PREP: variants seen among roughly 807,000 people sequenced by gnomAD.
PREP encodes dJ355L5.1 (prolyl endopeptidase).
A neutral mutation model predicts 87.6 loss-of-function variants in PREP; 29 were observed. The ratio of observed to expected loss-of-function variants is 0.33; its 90% CI spans 0.25 to 0.45. The LOEUF (loss-of-function observed/expected upper bound fraction) is 0.45, where lower values mean the gene tolerates loss of function less well. Among genes scored for constraint, PREP ranks in the 20% least tolerant of loss-of-function variants. The pLI, the probability that PREP is intolerant of heterozygous loss-of-function variation, is 1.00. For synonymous variants in PREP, 337 were observed against 328.6 expected (o/e 1.03, Z -0.28); for missense variants, 695 against 886.5 (o/e 0.78, Z 2.74).
At chr6:105,281,955 C>A in intron 13 of PREP, 53 bp from the exon 14 acceptor site, 1 of 1,591,480 alleles carries the variant, frequency 6.3e-7, no homozygotes, top group Non-Finnish European at 8.6e-7. Context: ...TAAACATCTA[C>A]ATAAACAAGG....
chr6:105,290,239 G>C (rs1260089296), intron 10 of PREP, among the ~76,000 whole-genome samples: 2 of 152,124 alleles, frequency 1.3e-5, no homozygotes, highest in East Asian at 3.9e-4. Context: ...TGTGTGGGTA[G>C]GTACAAGTAA....
At chr6:105,313,319 G>C (rs923353503) in intron 10 of PREP, among the ~76,000 whole-genome samples, 11 of 152,228 alleles carry the variant, frequency 7.2e-5, no homozygotes, top group African/African-American at 2.7e-4. Flanking sequence ...AAGTGGAGGG[G>C]AGGGGAGGGA....
intron 14 of PREP, chr6:105,280,556 A>G (rs1770056915): frequency 1.3e-5 from 2 of 152,338 alleles, no homozygotes; most frequent in Non-Finnish European, 2.9e-5. Context: ...AAACATATGT[A>G]GCTATATTGA....
intron 7 of PREP, among the ~76,000 whole-genome samples, chr6:105,343,942 C>A (rs1377042035): frequency 6.6e-6 from 1 of 152,188 alleles, no homozygotes; most frequent in Non-Finnish European, 1.5e-5. Context: ...ACTAGTTCAA[C>A]CATTGTGGAA....
At chr6:105,392,260 G>A (rs1382006325) in intron 2 of PREP, among the ~76,000 whole-genome samples, 2 of 151,926 alleles carry the variant, frequency 1.3e-5, no homozygotes, top group Non-Finnish European at 2.9e-5. Context: ...GGATGGTCTC[G>A]ATCTCCTGAC....
At chr6:105,322,211 C>G in intron 10 of PREP, 1 of 816,552 alleles carries the variant, frequency 1.2e-6, no homozygotes, top group Non-Finnish European at 1.5e-6. Flanking sequence ...GGATCTCCCT[C>G]CAGGCAATGG....
chr6:105,277,179 C>CAGTAAGTA lies in PREP; in HGVS notation c.*957_*964dup, dbSNP rs143389346. On this transcript the variant is annotated 3_prime_UTR_variant, in exon 15 of 15. Transcript: ENST00000652536. The stretch of plus-strand genomic sequence containing the variant: ...ACCAAAACTTTTTTTTTTTTTTTTC[C>CAGTAAGTA]AGTAAGTAAGTATGACTATTTCTAT... Among the ~76,000 whole-genome samples, 1 of 143,600 alleles carries CAGTAAGTA rather than the reference C, an allele frequency of 7.0e-6. No individual in the cohort carries two copies. The highest frequency in any genetic ancestry group is 2.7e-5 in the African/African-American group (1 of 37,562). The allele number at this position is 143,600 out of a possible 152,430, so 94.2% of individuals were successfully genotyped here. A position where few individuals can be genotyped will look rare whatever the true frequency, so the allele number is the denominator to read the frequency against.
At chr6:105,314,354 T>C (rs535971561) in intron 10 of PREP, among the ~76,000 whole-genome samples, 19 of 152,350 alleles carry the variant, frequency 1.2e-4, no homozygotes, top group African/African-American at 4.6e-4. Flanking sequence ...GAAAGACTTC[T>C]GTAACATGCA....
intron 7 of PREP, among the ~76,000 whole-genome samples, chr6:105,351,790 C>T (rs367674485): frequency 5.9e-5 from 9 of 152,128 alleles, no homozygotes; most frequent in Admixed American, 4.6e-4. Flanking sequence ...TGGTGGTTTG[C>T]CCTGACAGAG....
At chr6:105,302,718 C>A in intron 10 of PREP, 1 of 514,648 alleles carries the variant, frequency 1.9e-6, no homozygotes, top group Non-Finnish European at 3.8e-6. Flanking sequence ...CGCCGCCTGT[C>A]AGTGGCGATG....
At chr6:105,345,645 G>C (rs1431063422) in intron 7 of PREP, among the ~76,000 whole-genome samples, 1 of 152,216 alleles carries the variant, frequency 6.6e-6, no homozygotes, top group Non-Finnish European at 1.5e-5. Context: ...CAGGCACTGA[G>C]GCTGCAGGGC....
chr6:105,345,538 C>T (rs1771773418), intron 7 of PREP, among the ~76,000 whole-genome samples: 1 of 152,254 alleles, frequency 6.6e-6, no homozygotes, highest in East Asian at 1.9e-4. Context: ...ATAGAAAATG[C>T]TGTGCAAGCT....
chr6:105,313,174 T>C (rs1770794392), intron 10 of PREP, among the ~76,000 whole-genome samples: 1 of 152,192 alleles, frequency 6.6e-6, no homozygotes, highest in African/African-American at 2.4e-5. Context: ...AATTTTTTCC[T>C]CCCTCCTTCA....
chr6:105,358,489 G>C (rs746138806), intron 6 of PREP, among the ~76,000 whole-genome samples: 30 of 152,146 alleles, frequency 2.0e-4, no homozygotes, highest in Non-Finnish European at 4.0e-4. Flanking sequence ...TAGATGTAGA[G>C]AGAGTGTGGT....
At chr6:105,283,886 C>G (rs1413022849) in intron 12 of PREP, among the ~76,000 whole-genome samples, 1 of 152,130 alleles carries the variant, frequency 6.6e-6, no homozygotes, top group Non-Finnish European at 1.5e-5. Context: ...ATTACTCTTC[C>G]CTCTCAGAGC....
At chr6:105,334,702 G>C (rs1011315981) in intron 7 of PREP, among the ~76,000 whole-genome samples, 15 of 111,804 alleles carry the variant, frequency 1.3e-4, no homozygotes, top group African/African-American at 7.7e-4. Flanking sequence ...TGAGCAGAGT[G>C]AGACTCTGTC....
intron 10 of PREP, among the ~76,000 whole-genome samples, chr6:105,303,267 G>A (rs145043658): frequency 1.3e-3 from 198 of 152,026 alleles, no homozygotes; most frequent in African/African-American, 4.5e-3. Context: ...GTCTCATTAC[G>A]TTGTCCAGGA....
chr6:105,395,135 T>C (rs1773255918), intron 2 of PREP, among the ~76,000 whole-genome samples: 1 of 152,074 alleles, frequency 6.6e-6, no homozygotes, highest in South Asian at 2.1e-4. Flanking sequence ...GGATGTAAGA[T>C]CACAGTACTC....
intron 7 of PREP, among the ~76,000 whole-genome samples, chr6:105,333,943 T>G (rs1771411095): frequency 6.6e-6 from 1 of 152,194 alleles, no homozygotes; most frequent in East Asian, 1.9e-4. Flanking sequence ...CATTTTCGGC[T>G]GTCACAACTT....
Sources: gnomAD v4.1 joint callset for allele counts (sites outside exome capture counted in the v4.1 genomes callset) on GRCh38, gnomAD v4.1.1 for gene constraint, MANE v1.5 for transcripts, NCBI Gene and HGNC (gene_info 2026-07-23, HGNC 2026-07-21) for gene names.